ACSBG2: variants seen among roughly 807,000 people sequenced by gnomAD.
The protein encoded by ACSBG2 is long-chain-fatty-acid--CoA ligase ACSBG2.
A neutral mutation model predicts 74.7 loss-of-function variants in ACSBG2; 62 were observed. The ratio of observed to expected loss-of-function variants is 0.83; its 90% confidence interval spans 0.68 to 1.03. The LOEUF is 1.03. Ranked by LOEUF, ACSBG2 falls within the 50% of genes least tolerant of loss-of-function variation. ACSBG2 has a pLI of 0.00. For synonymous variants in ACSBG2, 309 were observed against 294.1 expected, an observed-to-expected ratio of 1.05 and a Z score of -0.52; for missense variants, 730 against 817.6, an observed-to-expected ratio of 0.89 and a Z score of 1.31.
intron 7 of ACSBG2, chr19:6,176,441 G>T: frequency 7.1e-7 from 1 of 1,400,814 alleles, no homozygotes; most frequent in Non-Finnish European, 9.7e-7. Context: ...CCATCCACGT[G>T]ATCTGTAACA....
chr19:6,137,070 G>A (rs770854718), intron 1 of ACSBG2, among the ~76,000 whole-genome samples: 2 of 151,868 alleles, frequency 1.3e-5, no homozygotes, highest in African/African-American at 4.8e-5. Context: ...TTCATACTCC[G>A]GATACTAATT....
At chr19:6,150,086 G>A (rs1441679951) in intron 3 of ACSBG2, among the ~76,000 whole-genome samples, 6 of 151,396 alleles carry the variant, frequency 4.0e-5, no homozygotes, top group African/African-American at 4.8e-5. Flanking sequence ...GTGACAGAGC[G>A]AGACAAAAAA....
intron 8 of ACSBG2, among the ~76,000 whole-genome samples, chr19:6,179,352 T>C (rs1187363984): frequency 6.8e-6 from 1 of 146,972 alleles, no homozygotes; most frequent in Non-Finnish European, 1.5e-5. Flanking sequence ...CAGCCTGGAA[T>C]GCAGTGGCAT....
intron 5 of ACSBG2, among the ~76,000 whole-genome samples, chr19:6,157,822 T>C (rs892481328): frequency 6.6e-6 from 1 of 152,142 alleles, no homozygotes; most frequent in African/African-American, 2.4e-5. Flanking sequence ...TTCAAGCCCA[T>C]GCTACTATAT....
chr19:6,171,341 T>C (rs2089959313), intron 7 of ACSBG2, among the ~76,000 whole-genome samples: 1 of 152,168 alleles, frequency 6.6e-6, no homozygotes, highest in Non-Finnish European at 1.5e-5. Context: ...TGTACTTTTA[T>C]GGTAGCAAGT....
intron 7 of ACSBG2, chr19:6,176,281 G>A: frequency 7.4e-7 from 1 of 1,355,510 alleles, no homozygotes; most frequent in Non-Finnish European, 9.5e-7. Context: ...CTTACCTTGA[G>A]AGCATCTGCT....
At chr19:6,161,549 C>T (rs192701228) in intron 6 of ACSBG2, 120 of 372,908 alleles carry the variant, frequency 3.2e-4, no homozygotes, top group African/African-American at 2.4e-3. Flanking sequence ...TGTGACCTTA[C>T]AAGGGAAGTG....
intron 6 of ACSBG2, 59 bp from the exon 7 acceptor site, chr19:6,165,807 G>T: frequency 6.3e-7 from 1 of 1,598,052 alleles, no homozygotes; most frequent in Non-Finnish European, 8.5e-7. Context: ...ACGAGGTCTG[G>T]CTGGGTGAGA....
intron 1 of ACSBG2, among the ~76,000 whole-genome samples, chr19:6,138,689 AAG>A (rs1216057981): frequency 3.8e-4 from 53 of 137,816 alleles, no homozygotes; most frequent in South Asian, 5.1e-4. Context: ...GGGAGGAAGG[AAG>A]AGAGGGGAAG....
chr19:6,184,916 G>T (rs368559465), intron 10 of ACSBG2, among the ~76,000 whole-genome samples: 1 of 96,012 alleles, frequency 1.0e-5, no homozygotes, highest in Non-Finnish European at 2.1e-5. Context: ...TTCATTTTTT[G>T]TTTTTGTTTT....
At chr19:6,177,120 C>A in intron 7 of ACSBG2, 109 bp from the exon 8 acceptor site, 1 of 1,220,124 alleles carries the variant, frequency 8.2e-7, no homozygotes, top group Non-Finnish European at 1.1e-6. Context: ...GTGATCACAC[C>A]ACTGCACTCC....
At chr19:6,188,264 T>C (rs114470733) in intron 13 of ACSBG2, among the ~76,000 whole-genome samples, 44 of 152,318 alleles carry the variant, frequency 2.9e-4, no homozygotes, top group African/African-American at 1.0e-3. Flanking sequence ...CAGAGCAGCC[T>C]TGTTACAGGA....
intron 14 of ACSBG2, 49 bp from the exon 15 acceptor site, chr19:6,192,619 C>T (rs1244441538): frequency 1.3e-5 from 2 of 152,132 alleles, no homozygotes; most frequent in Non-Finnish European, 2.9e-5. Flanking sequence ...ACTGAATGCA[C>T]ATATTACGAG....
intron 1 of ACSBG2, among the ~76,000 whole-genome samples, chr19:6,136,935 G>A (rs1216313438): frequency 1.3e-5 from 2 of 152,088 alleles, no homozygotes; most frequent in South Asian, 2.1e-4. Flanking sequence ...GATGACCAAA[G>A]CTACTGAGCA....
intron 5 of ACSBG2, among the ~76,000 whole-genome samples, chr19:6,158,608 A>G (rs2089505825): frequency 6.6e-6 from 1 of 152,260 alleles, no homozygotes; most frequent in Middle Eastern, 3.4e-3. Context: ...GGTTCATTTC[A>G]GCTCAAGGAC....
At position 6,186,367 on chromosome 19, in the gene ACSBG2, C is replaced by CA. The variant is rs1027366292; in HGVS notation, c.1540+722dup. 2.6e-5 allele frequency among the ~76,000 whole-genome samples: 4 copies of CA among 151,890 alleles called. No homozygotes were observed. In the South Asian group the frequency reaches 6.2e-4, roughly 24 times the overall value. ...TATGAATATCATAATTTTTATGTGT[C>CA]AAAAAAAATTCTTCTTTTGACTTCC... On this transcript the variant is annotated intron_variant, in intron 11 of 14. Coordinates refer to ENST00000588485, the MANE Select transcript of ACSBG2 (RefSeq NM_030924.5).
At chr19:6,185,735 G>A in intron 11 of ACSBG2, 82 bp downstream of exon 11, 1 of 1,444,522 alleles carries the variant, frequency 6.9e-7, no homozygotes, top group South Asian at 1.2e-5. Context: ...CCAGCACGAA[G>A]GCCACCCCCA....
chr19:6,183,781 C>A (rs895166628), intron 10 of ACSBG2, among the ~76,000 whole-genome samples: 4 of 152,134 alleles, frequency 2.6e-5, no homozygotes, highest in African/African-American at 4.8e-5. Context: ...TTGAAAAAAT[C>A]TTTTCATACA....
chr19:6,180,907 A>G lies in ACSBG2; in HGVS notation c.907-1844A>G, dbSNP rs139081217. Among the ~76,000 whole-genome samples, 177 of 152,246 alleles carry G rather than the reference A, an allele frequency of 1.2e-3. 1 individual carries two copies. Among genetic ancestry groups the G allele is most frequent in the African/African-American group, 3.7e-3 (152 of 41,550 alleles). On this transcript the variant is annotated intron_variant, in intron 8 of 14. Transcript: ENST00000588485. This position sits in a 1 kb window ranked among gnomAD's most constrained non-coding sequence, Gnocchi z 4.3. ...CTGTGCTAGCATGACTAGTAAAAAGAAAAGTAAAAGCCAGGCACGGCGGCT... is the reference window on the plus strand; with the variant it reads ...CTGTGCTAGCATGACTAGTAAAAAGGAAAGTAAAAGCCAGGCACGGCGGCT...
Sources: gnomAD v4.1 joint callset for allele counts (sites outside exome capture counted in the v4.1 genomes callset) on GRCh38, gnomAD v4.1.1 for gene constraint, Gnocchi (gnomAD v3.1) non-coding constraint, MANE v1.5 for transcripts, NCBI Gene and HGNC (gene_info 2026-07-23, HGNC 2026-07-21) for gene names.